The following RIT2 variants were observed in gnomAD, a reference collection of about 807,000 sequenced individuals.
The protein encoded by RIT2 is Ras like without CAAX 2.
RIT2 carries 24 observed loss-of-function variants against 23.7 expected under a neutral mutation model. That is an observed-to-expected ratio of 1.01 (90% CI 0.73 to 1.43). The LOEUF is 1.43. RIT2 is among the 40% of genes most tolerant of loss of function. The probability of loss-of-function intolerance (pLI) is 0.00; values close to 1 mark genes in which losing one functional copy is unlikely to be tolerated. For missense variants in RIT2, 236 were observed against 266.9 expected (o/e 0.88, Z 0.81); for synonymous variants, 107 against 91.1 (o/e 1.17, Z -0.99).
At chr18:43,050,316 C>A (rs1398305641) in intron 1 of RIT2, among the ~76,000 whole-genome samples, 1 of 152,000 alleles carries the variant, frequency 6.6e-6, no homozygotes, top group Non-Finnish European at 1.5e-5. Context: ...TAGGTGTAAG[C>A]AACCTTGCCC....
chr18:42,974,271 C>G (rs76145499), intron 2 of RIT2, 124 bp from the exon 3 acceptor site: 1 of 605,906 alleles, frequency 1.7e-6, no homozygotes, highest in South Asian at 2.3e-5. Flanking sequence ...CCTCAAATAA[C>G]GTATATAGAT....
chr18:43,047,314 G>C (rs1038799861), intron 1 of RIT2, among the ~76,000 whole-genome samples: 1 of 151,724 alleles, frequency 6.6e-6, no homozygotes. Flanking sequence ...TCTAGAACTT[G>C]CTGTCATTTT....
chr18:43,108,733 T>G (rs2144250059), intron 1 of RIT2, among the ~76,000 whole-genome samples: 1 of 152,350 alleles, frequency 6.6e-6, no homozygotes, highest in South Asian at 2.1e-4. Context: ...GATACCAATT[T>G]ACTCTTTTAC....
intron 4 of RIT2, among the ~76,000 whole-genome samples, chr18:42,825,252 G>T (rs1336803375): frequency 6.6e-6 from 1 of 151,766 alleles, no homozygotes; most frequent in Non-Finnish European, 1.5e-5. Flanking sequence ...AAAAATACAT[G>T]AAGCCAAATT....
chr18:42,800,630 C>T lies in RIT2; in HGVS notation c.427-56910G>A, dbSNP rs376585799. ...CTGCAAGCTCCACCTCCCGGGTTCA[C>T]GCCATTCTCCTGCCTCAGCCTCCCG... On this transcript the variant is annotated intron_variant, in intron 4 of 4. Transcript: ENST00000326695. Among the ~76,000 whole-genome samples the T allele has an allele frequency of 5.3e-5, 8 of 151,522 alleles. 1 individual carries two copies. The highest frequency in any genetic ancestry group is 2.0e-4 in the East Asian group (1 of 5,092).
intron 3 of RIT2, among the ~76,000 whole-genome samples, chr18:42,943,453 G>T (rs1178847457): frequency 6.6e-6 from 1 of 152,022 alleles, no homozygotes; most frequent in Non-Finnish European, 1.5e-5. Context: ...TCAGTAGGAG[G>T]TACTGCTGAC....
At position 42,967,536 on chromosome 18, in the gene RIT2, ATTTT is replaced by A. The variant is rs397940927; in HGVS notation, c.234+6534_234+6537del. Among the ~76,000 whole-genome samples the A allele has an allele frequency of 3.2e-3, 257 of 80,720 alleles. 1 individual carries two copies. Among genetic ancestry groups the A allele is most frequent in the African/African-American group, 6.8e-3 (121 of 17,824 alleles). The allele number at this position is 80,720 out of a possible 152,430, so 53.0% of individuals were successfully genotyped here. Reference sequence around the variant, plus strand: ...AGACGCCCGCCACCACGCCCGGCTAATTTTTTTTTTTTTTTTTTTTTTTTTTTTG... The same window carrying A: ...AGACGCCCGCCACCACGCCCGGCTAATTTTTTTTTTTTTTTTTTTTTTTTG... On this transcript the variant is annotated intron_variant, in intron 3 of 4. Coordinates refer to ENST00000326695, the MANE Select transcript of RIT2 (RefSeq NM_002930.4).
At chr18:43,101,025 A>T (rs995421796) in intron 1 of RIT2, among the ~76,000 whole-genome samples, 6 of 151,338 alleles carry the variant, frequency 4.0e-5, no homozygotes, top group African/African-American at 1.5e-4. Flanking sequence ...ACATATATAT[A>T]TTTTCTGTCT....
intron 2 of RIT2, among the ~76,000 whole-genome samples, chr18:43,018,726 G>A (rs981281900): frequency 6.6e-5 from 10 of 151,872 alleles, no homozygotes; most frequent in African/African-American, 2.4e-4. Flanking sequence ...ATAAATGAAG[G>A]ACAAATGCAG....
At chr18:42,958,367 C>T (rs1284853679) in intron 3 of RIT2, among the ~76,000 whole-genome samples, 1 of 152,104 alleles carries the variant, frequency 6.6e-6, no homozygotes, top group Non-Finnish European at 1.5e-5. Flanking sequence ...CCTACACATG[C>T]ATTCAGCAGC....
chr18:43,052,165 T>C (rs1199488480), intron 1 of RIT2, among the ~76,000 whole-genome samples: 1 of 152,142 alleles, frequency 6.6e-6, no homozygotes, highest in African/African-American at 2.4e-5. Context: ...CTTATTTTCC[T>C]TCTCTCAATG....
At chr18:42,893,928 G>C (rs993920434) in intron 4 of RIT2, among the ~76,000 whole-genome samples, 4 of 152,148 alleles carry the variant, frequency 2.6e-5, no homozygotes, top group African/African-American at 9.7e-5. Flanking sequence ...AAATGTGAAT[G>C]AGCAATAGAA....
chr18:43,040,822 CA>C (rs929179880), intron 1 of RIT2, among the ~76,000 whole-genome samples: 7 of 149,450 alleles, frequency 4.7e-5, no homozygotes, highest in South Asian at 4.2e-4. Flanking sequence ...CTTTCCCCCC[CA>C]AAAAAAAATC....
intron 4 of RIT2, among the ~76,000 whole-genome samples, chr18:42,844,846 C>A (rs929487225): frequency 6.6e-6 from 1 of 152,078 alleles, no homozygotes; most frequent in East Asian, 1.9e-4. Flanking sequence ...CCCCTATCTG[C>A]CTAGAATTTC....
At chr18:42,784,637 T>C (rs1913885193) in intron 4 of RIT2, among the ~76,000 whole-genome samples, 3 of 152,114 alleles carry the variant, frequency 2.0e-5, no homozygotes, top group African/African-American at 7.2e-5. Flanking sequence ...ACTCCATTTT[T>C]TACATTCACA....
Position 42,864,043 on chromosome 18 carries a change from GA to G in RIT2, c.426+59528del, listed in dbSNP as rs35294397. Among the ~76,000 whole-genome samples the G allele has an allele frequency of 3.8e-3, 547 of 143,694 alleles. 3 individuals are homozygous for G. Among genetic ancestry groups the G allele is most frequent in the African/African-American group, 0.013 (496 of 39,632 alleles). 94.3% of individuals were successfully genotyped at this position (143,694 alleles called of 152,430 possible). A position where few individuals can be genotyped will look rare whatever the true frequency, so the allele number is the denominator to read the frequency against. On this transcript the variant is annotated intron_variant, in intron 4 of 4. Transcript: ENST00000326695. ...GAATGACAAGATTGTATAAGAAAAT[GA>G]AAAAAAAAAACGATATGAAATTGAT...
At chr18:42,822,532 A>G (rs1258190047) in intron 4 of RIT2, among the ~76,000 whole-genome samples, 2 of 152,108 alleles carry the variant, frequency 1.3e-5, no homozygotes. Context: ...TACAATATTA[A>G]TAGACACCAG....
chr18:42,795,575 G>A (rs571409367), intron 4 of RIT2, among the ~76,000 whole-genome samples: 7 of 152,254 alleles, frequency 4.6e-5, no homozygotes, highest in South Asian at 2.1e-4. Context: ...CCTGCTCCAC[G>A]GCGCCCAGTC....
intron 4 of RIT2, among the ~76,000 whole-genome samples, chr18:42,746,477 A>T (rs1225367705): frequency 1.3e-5 from 2 of 152,112 alleles, no homozygotes; most frequent in Non-Finnish European, 2.9e-5. Context: ...ATCAAAGTAG[A>T]CAGTAAGTAA....
Sources: gnomAD v4.1 joint callset for allele counts (sites outside exome capture counted in the v4.1 genomes callset) on GRCh38, gnomAD v4.1.1 for gene constraint, MANE v1.5 for transcripts, NCBI Gene and HGNC (gene_info 2026-07-23, HGNC 2026-07-21) for gene names.